The following ZFHX3 variants were observed in gnomAD, a reference collection of about 807,000 sequenced individuals.
ZFHX3 encodes zinc finger homeobox protein 3.
In ZFHX3, 42 loss-of-function variants were observed where a neutral mutation model predicts 279.1. The ratio of observed to expected loss-of-function variants is 0.15; its 90% CI spans 0.12 to 0.19. ZFHX3 has a LOEUF of 0.19. ZFHX3 is among the 10% of genes least tolerant of loss of function. The pLI, the probability that ZFHX3 is intolerant of heterozygous loss-of-function variation, is 1.00. For synonymous variants in ZFHX3, 2,293 were observed against 1,957.8 expected, an observed-to-expected ratio of 1.17 and a Z score of -4.52; for missense variants, 4,981 against 4,754.0, an observed-to-expected ratio of 1.05 and a Z score of -1.40.
intron 2 of ZFHX3, among the ~76,000 whole-genome samples, chr16:73,659,000 C>T (rs559188831): frequency 3.0e-4 from 45 of 151,584 alleles, no homozygotes; most frequent in South Asian, 6.3e-4. Context: ...CAAAGAGAAA[C>T]GGAAAAATTA....
At chr16:73,169,666 GAA>G (rs912878708) in intron 5 of ZFHX3, among the ~76,000 whole-genome samples, 4 of 134,690 alleles carry the variant, frequency 3.0e-5, no homozygotes, top group African/African-American at 1.1e-4. Flanking sequence ...CTCAAAAAAG[GAA>G]AAAAAAAAAA....
intron 4 of ZFHX3, among the ~76,000 whole-genome samples, chr16:72,859,750 C>T (rs184562692): frequency 1.3e-5 from 2 of 152,236 alleles, no homozygotes; most frequent in Admixed American, 1.3e-4. Context: ...GAGAATGCGG[C>T]AGGACATGGG....
In ZFHX3 at chr16:73,127,272, G is replaced by A. The variant is rs576969123; in HGVS notation, c.-897+3696C>T. The A allele has an allele frequency of 9.2e-6, 11 of 1,190,968 alleles. No individual in the cohort carries two copies. The East Asian group carries it at 1.7e-4, about 19-fold the overall frequency. The allele number at this position is 1,190,968 out of a possible 1,614,324, so 73.8% of individuals were successfully genotyped here. A position where few individuals can be genotyped will look rare whatever the true frequency, so the allele number is the denominator to read the frequency against. ...AGCTAAAGGCTGCCGATAGGAATGT[G>A]GAGGAAACTGACAGGCAGAGAAGAG... On this transcript the variant is annotated intron_variant, in intron 7 of 17. Coordinates refer to the ZFHX3 transcript ENST00000641206.
At chr16:73,422,920 G>A (rs946894252) in intron 3 of ZFHX3, among the ~76,000 whole-genome samples, 12 of 152,188 alleles carry the variant, frequency 7.9e-5, no homozygotes, top group African/African-American at 2.9e-4. Context: ...TTCTGGGAGG[G>A]TAGACATCTG....
At chr16:73,356,992 A>T (rs1002702700) in intron 3 of ZFHX3, among the ~76,000 whole-genome samples, 2 of 151,194 alleles carry the variant, frequency 1.3e-5, no homozygotes, top group Non-Finnish European at 2.9e-5. Flanking sequence ...GCCCCATACC[A>T]CCTCCCAAAG....
chr16:73,696,491 C>T (rs2053198862), intron 1 of ZFHX3, among the ~76,000 whole-genome samples: 2 of 152,166 alleles, frequency 1.3e-5, no homozygotes, highest in Non-Finnish European at 2.9e-5. Context: ...TGATTCTGAA[C>T]CAAAGAGCCA....
intron 5 of ZFHX3, chr16:73,233,971 A>G (rs2144934343): frequency 6.6e-6 from 1 of 152,336 alleles, no homozygotes; most frequent in East Asian, 1.9e-4. Flanking sequence ...GAGGAAATAA[A>G]CCAGCTGTGG....
At chr16:73,735,348 G>C (rs369723662) in intron 1 of ZFHX3, among the ~76,000 whole-genome samples, 1 of 145,190 alleles carries the variant, frequency 6.9e-6, no homozygotes, top group African/African-American at 2.6e-5. Context: ...AATCTCCAAC[G>C]GAAATCCAAT....
chr16:73,844,554 T>C (rs2142373232), intron 1 of ZFHX3, among the ~76,000 whole-genome samples: 1 of 152,110 alleles, frequency 6.6e-6, no homozygotes, highest in East Asian at 1.9e-4. Context: ...ATTAGTCCCA[T>C]TTTATAGATG....
intron 2 of ZFHX3, among the ~76,000 whole-genome samples, chr16:73,530,725 T>C (rs1050750260): frequency 2.0e-5 from 3 of 152,238 alleles, no homozygotes; most frequent in African/African-American, 7.2e-5. Flanking sequence ...TTATACATTT[T>C]GCTGTCCATG....
At chr16:72,970,869 A>G (rs1368723219) in intron 1 of ZFHX3, among the ~76,000 whole-genome samples, 1 of 152,236 alleles carries the variant, frequency 6.6e-6, no homozygotes, top group African/African-American at 2.4e-5. Context: ...TACAGTTTCA[A>G]TCTGGCATGT....
At chr16:73,329,653 T>G (rs1437289069) in intron 3 of ZFHX3, among the ~76,000 whole-genome samples, 1 of 152,174 alleles carries the variant, frequency 6.6e-6, no homozygotes, top group Non-Finnish European at 1.5e-5. Flanking sequence ...ACCCTACAGA[T>G]AGTCAGAGAT....
chr16:73,878,760 GA>G (rs922981555), intron 1 of ZFHX3, among the ~76,000 whole-genome samples: 2 of 149,706 alleles, frequency 1.3e-5, no homozygotes, highest in African/African-American at 2.4e-5. Flanking sequence ...CTGCTCAGAA[GA>G]AAAAAAAATT....
chr16:73,256,221 A>G (rs1308717044), intron 5 of ZFHX3, among the ~76,000 whole-genome samples: 2 of 152,158 alleles, frequency 1.3e-5, no homozygotes, highest in African/African-American at 4.8e-5. Flanking sequence ...AGCCTACACC[A>G]GACAACTAGA....
At chr16:73,453,996 G>A (rs143188283) in intron 3 of ZFHX3, among the ~76,000 whole-genome samples, 111 of 152,248 alleles carry the variant, frequency 7.3e-4, no homozygotes, top group East Asian at 1.7e-3. Context: ...CAGCCAAACC[G>A]TATCAGTGAG....
At chr16:72,811,485 T>C (rs754767830) in intron 7 of ZFHX3, 92 bp downstream of exon 7, 56 of 1,298,248 alleles carry the variant, frequency 4.3e-5, no homozygotes, top group Non-Finnish European at 5.7e-5. Flanking sequence ...TACACTGACT[T>C]TCTCGTCCAA....
intron 1 of ZFHX3, among the ~76,000 whole-genome samples, chr16:73,828,766 A>G (rs1960920854): frequency 9.3e-6 from 1 of 107,222 alleles, no homozygotes; most frequent in South Asian, 3.9e-4. Flanking sequence ...GTTTCTGCCG[A>G]GAGATCCGCT....
intron 3 of ZFHX3, among the ~76,000 whole-genome samples, chr16:73,455,758 T>C (rs1392906851): frequency 6.6e-6 from 1 of 151,722 alleles, no homozygotes; most frequent in African/African-American, 2.4e-5. Flanking sequence ...TTCAAAGCTT[T>C]GTTTGTTAAG....
At chr16:73,075,769 G>A (rs528835440) in intron 8 of ZFHX3, among the ~76,000 whole-genome samples, 151 of 152,098 alleles carry the variant, frequency 9.9e-4, no homozygotes, top group African/African-American at 3.6e-3. Context: ...GAGTAACTGG[G>A]ACTACAGGTG....
Sources: allele counts gnomAD v4.1 joint callset (sites outside exome capture counted in the v4.1 genomes callset), GRCh38; gene constraint gnomAD v4.1.1; transcripts MANE v1.5; gene names NCBI Gene and HGNC (gene_info 2026-07-23, HGNC 2026-07-21).